DAB1: variants seen among roughly 807,000 people sequenced by gnomAD.
DAB1 encodes DAB adaptor protein 1.
A neutral mutation model predicts 64.6 loss-of-function variants in DAB1; 15 were observed. The ratio of observed to expected loss-of-function variants is 0.23; its 90% CI spans 0.16 to 0.36. DAB1 has a LOEUF of 0.36. DAB1 is among the 10% of genes least tolerant of loss of function. The pLI is 1.00. For synonymous variants in DAB1, 235 were observed against 251.9 expected (o/e 0.93, Z 0.64); for missense variants, 596 against 706.7 (o/e 0.84, Z 1.78).
At chr1:57,261,207 G>A (rs550298441) in intron 2 of DAB1, among the ~76,000 whole-genome samples, 2 of 151,964 alleles carry the variant, frequency 1.3e-5, no homozygotes, top group African/African-American at 2.4e-5. Context: ...CAAGAAACAC[G>A]GTCACGGTGT....
At chr1:58,160,964 T>C (rs1655502437) in intron 4 of DAB1, among the ~76,000 whole-genome samples, 1 of 152,042 alleles carries the variant, frequency 6.6e-6, no homozygotes, top group Non-Finnish European at 1.5e-5. Context: ...CTAACCACAG[T>C]AGAAGGTAGG....
intron 4 of DAB1, among the ~76,000 whole-genome samples, chr1:58,268,446 C>A (rs1188695913): frequency 3.3e-5 from 5 of 152,252 alleles, no homozygotes; most frequent in East Asian, 3.9e-4. Flanking sequence ...TAAGTGATTT[C>A]TCTTCTATGT....
chr1:57,321,655 A>T (rs1675726467), intron 1 of DAB1, among the ~76,000 whole-genome samples: 5 of 152,150 alleles, frequency 3.3e-5, no homozygotes, highest in Admixed American at 3.3e-4. Flanking sequence ...GAGTCATAAA[A>T]CCCAGGGTTC....
chr1:57,065,068 C>T (rs1042099075), intron 8 of DAB1, among the ~76,000 whole-genome samples: 1 of 152,088 alleles, frequency 6.6e-6, no homozygotes, highest in African/African-American at 2.4e-5. Flanking sequence ...CTCAATTATC[C>T]CTAAAAATGG....
At chr1:57,226,672 A>ATATATATATATATATATAT (rs1553158266) in intron 2 of DAB1, among the ~76,000 whole-genome samples, 4 of 136,016 alleles carry the variant, frequency 2.9e-5, no homozygotes, top group African/African-American at 1.2e-4. Context: ...TTAAAAAAAA[A>ATATATATATATATATATAT]ATATATATAT....
chr1:58,068,782 CA>C (rs35725704), intron 5 of DAB1, among the ~76,000 whole-genome samples: 4,456 of 133,172 alleles, frequency 0.033, 70 homozygotes, highest in Middle Eastern at 0.058. Context: ...AAAAAAAAAC[CA>C]AAAAAAAAAA....
chr1:57,032,900 C>G (rs1230602418), intron 9 of DAB1, among the ~76,000 whole-genome samples: 1 of 152,126 alleles, frequency 6.6e-6, no homozygotes, highest in Non-Finnish European at 1.5e-5. Context: ...GTTTTTTATT[C>G]CCAGTGGTGT....
chr1:58,011,082 C>T (rs71642149), intron 5 of DAB1, among the ~76,000 whole-genome samples: 8,148 of 152,282 alleles, frequency 0.054, 286 homozygotes, highest in Non-Finnish European at 0.086. Flanking sequence ...GGAAATCTCC[C>T]TGATCTCTTA....
At chr1:57,261,196 G>T (rs532514092) in intron 2 of DAB1, among the ~76,000 whole-genome samples, 1 of 151,914 alleles carries the variant, frequency 6.6e-6, no homozygotes, top group Non-Finnish European at 1.5e-5. Flanking sequence ...CCCAACCTCC[G>T]CAAGAAACAC....
chr1:57,507,462 C>T (rs906894930), intron 7 of DAB1, among the ~76,000 whole-genome samples: 1 of 152,150 alleles, frequency 6.6e-6, no homozygotes, highest in African/African-American at 2.4e-5. Flanking sequence ...ATTTCCACCT[C>T]AACTATCTTA....
chr1:58,495,946 A>C (rs923758827), intron 3 of DAB1, among the ~76,000 whole-genome samples: 2 of 152,160 alleles, frequency 1.3e-5, no homozygotes, highest in Non-Finnish European at 2.9e-5. Context: ...AAGATTAAAC[A>C]CTTCATAAGT....
intron 3 of DAB1, among the ~76,000 whole-genome samples, chr1:58,418,986 G>A (rs972465632): frequency 1.1e-4 from 16 of 152,186 alleles, no homozygotes; most frequent in Admixed American, 3.3e-4. Context: ...ATAGATGTTA[G>A]GGTGAATTCT....
intron 4 of DAB1, among the ~76,000 whole-genome samples, chr1:58,265,354 G>A (rs1661136047): frequency 6.6e-6 from 1 of 152,140 alleles, no homozygotes; most frequent in South Asian, 2.1e-4. Context: ...AACTTAAGAG[G>A]AGTCTCTTAG....
At position 57,949,292 on chromosome 1, in the gene DAB1, T is replaced by C. The variant is rs368143099; in HGVS notation, n.388-65130A>G. 8.1e-4 allele frequency among the ~76,000 whole-genome samples: 123 copies of C among 152,260 alleles called. 4 individuals are homozygous for C. In the South Asian group the frequency reaches 0.025, roughly 31 times the overall value. On this transcript the variant is annotated intron_variant and non_coding_transcript_variant, in intron 5 of 20. Coordinates refer to the DAB1 transcript ENST00000485760. ...GTGCAGTTCACAATAGGGTTTGTGC[T>C]CCTATAAGAATCTAATACCCTGCTC...
chr1:58,242,986 C>T (rs920971756), intron 4 of DAB1, among the ~76,000 whole-genome samples: 2 of 152,144 alleles, frequency 1.3e-5, no homozygotes, highest in Non-Finnish European at 2.9e-5. Flanking sequence ...ATGATGCACG[C>T]ACAAAATGTG....
intron 1 of DAB1, among the ~76,000 whole-genome samples, chr1:57,306,513 CTTTT>C (rs1166241090): frequency 1.7e-5 from 2 of 114,340 alleles, no homozygotes; most frequent in African/African-American, 3.3e-5. Flanking sequence ...TTAGAACAGG[CTTTT>C]TTTTTTTTTT....
At chr1:58,402,894 G>A (rs1425563998) in intron 3 of DAB1, among the ~76,000 whole-genome samples, 3 of 152,142 alleles carry the variant, frequency 2.0e-5, no homozygotes, top group African/African-American at 4.8e-5. Context: ...AAGGCTGTGC[G>A]ACCACGCACC....
At chr1:58,017,404 T>C (rs1646756526) in intron 5 of DAB1, among the ~76,000 whole-genome samples, 1 of 152,240 alleles carries the variant, frequency 6.6e-6, no homozygotes, top group East Asian at 1.9e-4. Context: ...TGCTAGGATG[T>C]AGGCAGTGGG....
At chr1:57,155,770 GTTAATTCCTAGGTA>G in intron 2 of DAB1, among the ~76,000 whole-genome samples, 1 of 123,228 alleles carries the variant, frequency 8.1e-6, no homozygotes, top group Middle Eastern at 4.4e-3. Context: ...TTTTTTTTTG[GTTAATTCCTAGGTA>G]TTTCATTTTA....
Sources: gnomAD v4.1 joint callset for allele counts (sites outside exome capture counted in the v4.1 genomes callset) on GRCh38, gnomAD v4.1.1 for gene constraint, MANE v1.5 for transcripts, NCBI Gene and HGNC (gene_info 2026-07-23, HGNC 2026-07-21) for gene names.